Variants in BBOF1 observed in about 807,000 individuals in gnomAD.
BBOF1 encodes basal body orientation factor 1, also known as basal body-orientation factor 1.
In BBOF1, 62 loss-of-function variants were observed where a neutral mutation model predicts 68.0. The observed-to-expected ratio is 0.91, with a 90% CI of 0.74 to 1.13. The LOEUF is 1.13. BBOF1 is among the 50% of genes most tolerant of loss of function. BBOF1 has a pLI of 0.00. For missense variants in BBOF1, 534 were observed against 600.1 expected, an observed-to-expected ratio of 0.89 and a Z score of 1.15; for synonymous variants, 208 against 198.8, an observed-to-expected ratio of 1.05 and a Z score of -0.39.
intron 6 of BBOF1, among the ~76,000 whole-genome samples, 173 bp from the exon 7 acceptor site, chr14:74,047,757 G>T (rs1477595939): frequency 6.6e-6 from 1 of 151,932 alleles, no homozygotes; most frequent in African/African-American, 2.4e-5. Flanking sequence ...TTTTTTATTG[G>T]GTGAAAACTT....
At chr14:74,052,654 A>G (rs1362904288) in intron 8 of BBOF1, among the ~76,000 whole-genome samples, 1 of 151,530 alleles carries the variant, frequency 6.6e-6, no homozygotes, top group Non-Finnish European at 1.5e-5. Flanking sequence ...CAAAAAAAAA[A>G]AAATTACATC....
Position 74,065,138 on chromosome 14 carries a change from A to C in BBOF1, c.*439A>C, listed in dbSNP as rs1218817851. The stretch of plus-strand genomic sequence containing the variant: ...TATTTACTGTTTCCTCTTAGGAAAT[A>C]GTAAATGGATATAAGAATCTCTTAA... On this transcript the variant is annotated 3_prime_UTR_variant, in exon 12 of 12. Transcript: ENST00000394009. 1 of 1,605,918 alleles carries C rather than the reference A, an allele frequency of 6.2e-7. No individual in the cohort carries two copies. Among genetic ancestry groups the C allele is most frequent in the Admixed American group, 1.7e-5 (1 of 59,988 alleles).
intron 2 of BBOF1, among the ~76,000 whole-genome samples, chr14:74,028,254 A>G (rs2059478915): frequency 6.6e-6 from 1 of 152,070 alleles, no homozygotes; most frequent in African/African-American, 2.4e-5. Flanking sequence ...CTATAGTCCC[A>G]GGTACTTGGG....
chr14:74,032,914 C>T (rs1257283693), intron 3 of BBOF1, among the ~76,000 whole-genome samples: 3 of 152,058 alleles, frequency 2.0e-5, no homozygotes, highest in Non-Finnish European at 4.4e-5. Context: ...TTCCCCCCTT[C>T]CTTTTCTCTG....
chr14:74,054,960 C>T (rs2060154842), intron 8 of BBOF1: 1 of 153,374 alleles, frequency 6.5e-6, no homozygotes, highest in South Asian at 2.0e-4. Context: ...GCCACCGTCC[C>T]CAGCCTCCTT....
In BBOF1 at chr14:74,064,893, G is replaced by A. The variant is rs201279537; in HGVS notation, c.*194G>A. On this transcript the variant is annotated 3_prime_UTR_variant, in exon 12 of 12. Transcript: ENST00000394009. Reference sequence around the variant, plus strand: ...CCGGTGAATGAGAACATTGGCAAAGGCACTGGAATGGGGACATTCACTCCC... The same window carrying A: ...CCGGTGAATGAGAACATTGGCAAAGACACTGGAATGGGGACATTCACTCCC... The A allele has an allele frequency of 1.2e-6, 2 of 1,614,032 alleles. No homozygotes were observed. The highest frequency in any genetic ancestry group is 2.2e-5 in the East Asian group (1 of 44,876).
chr14:74,035,948 A>G (rs2059688848), intron 4 of BBOF1, among the ~76,000 whole-genome samples: 1 of 152,176 alleles, frequency 6.6e-6, no homozygotes, highest in South Asian at 2.1e-4. Flanking sequence ...GGAATTAGAT[A>G]CCATCATTTG....
At position 74,076,338 on chromosome 14, in the gene BBOF1, C is replaced by G. The variant is rs542054336; in HGVS notation, n.1380-1858C>G. 4.6e-5 allele frequency among the ~76,000 whole-genome samples: 7 copies of G among 152,236 alleles called. No individual in the cohort carries two copies. The South Asian group carries it at 1.2e-3, about 27-fold the overall frequency. On this transcript the variant is annotated intron_variant and non_coding_transcript_variant, in intron 9 of 12. Transcript: ENST00000492026. ...ACAAGATAACTCTCAAATTGTAACT[C>G]ACTAAAAAAGTCTGTATATATGTTA... is the stretch of plus-strand genomic sequence containing the variant.
At chr14:74,067,683 A>T, downstream of BBOF1, 4 of 1,126,426 alleles carry the variant, frequency 3.6e-6, no homozygotes, top group Non-Finnish European at 5.2e-6. Context: ...AGCACTTTGG[A>T]AGGCTGAGGT....
intron 10 of BBOF1, 45 bp from the exon 11 acceptor site, chr14:74,057,099 G>T (rs2060229179): frequency 1.3e-6 from 2 of 1,598,778 alleles, no homozygotes; most frequent in Non-Finnish European, 1.7e-6. Context: ...CAGGTTTCAT[G>T]TGTGTAGAGT....
At chr14:74,044,840 G>A (rs1239869439) in intron 5 of BBOF1, among the ~76,000 whole-genome samples, 3 of 152,054 alleles carry the variant, frequency 2.0e-5, no homozygotes, top group Non-Finnish European at 4.4e-5. Context: ...TGAAAGAATC[G>A]ATTGAACCCA....
At chr14:74,045,190 G>C (rs2059922962) in intron 5 of BBOF1, among the ~76,000 whole-genome samples, 1 of 152,140 alleles carries the variant, frequency 6.6e-6, no homozygotes, top group African/African-American at 2.4e-5. Context: ...ATTGCTTATT[G>C]TTTAGATTTC....
intron 9 of BBOF1, among the ~76,000 whole-genome samples, chr14:74,076,358 A>G (rs1241646719): frequency 6.6e-6 from 1 of 152,098 alleles, no homozygotes; most frequent in Non-Finnish European, 1.5e-5. Context: ...GTCTGTATAT[A>G]TGTTATCAAA....
chr14:74,077,028 C>T (rs2060620490), intron 9 of BBOF1, among the ~76,000 whole-genome samples: 1 of 152,144 alleles, frequency 6.6e-6, no homozygotes, highest in African/African-American at 2.4e-5. Context: ...GCAGCACTGC[C>T]CAGGAAAAGG....
chr14:74,027,307 G>A (rs2059453709), intron 2 of BBOF1, among the ~76,000 whole-genome samples: 1 of 147,528 alleles, frequency 6.8e-6, no homozygotes, highest in African/African-American at 2.5e-5. Context: ...GGTTGGTCTC[G>A]AACTCCTGAC....
downstream of BBOF1, chr14:74,066,764 T>C (rs768541944): frequency 6.2e-6 from 10 of 1,614,058 alleles, no homozygotes; most frequent in East Asian, 2.2e-4. Context: ...CCTTTCACTT[T>C]AATTTTTCGT....
intron 4 of BBOF1, among the ~76,000 whole-genome samples, chr14:74,035,868 A>T (rs2059687730): frequency 1.3e-5 from 2 of 151,992 alleles, no homozygotes; most frequent in South Asian, 4.1e-4. Context: ...ACATAGCATT[A>T]CTTCCACCAT....
intron 7 of BBOF1, among the ~76,000 whole-genome samples, chr14:74,049,400 G>T (rs187415370): frequency 2.0e-5 from 3 of 151,958 alleles, no homozygotes; most frequent in South Asian, 2.1e-4. Context: ...TCAGCCGGGC[G>T]CAGTGGCTCA....
Position 74,065,087 on chromosome 14 carries a change from G to T in BBOF1, c.*388G>T. ...TGGGGCAATGTGGGAGGTCATGGGG[G>T]CAATCTTAAACCAATGACTCACCAT... On this transcript the variant is annotated 3_prime_UTR_variant, in exon 12 of 12. Coordinates refer to ENST00000394009, the MANE Select transcript of BBOF1 (RefSeq NM_025057.3). The T allele has an allele frequency of 1.3e-6, 2 of 1,483,526 alleles. No homozygotes were observed. Among genetic ancestry groups the T allele is most frequent in the South Asian group, 1.2e-5 (1 of 86,434 alleles). The allele number at this position is 1,483,526 out of a possible 1,614,324, so 91.9% of individuals were successfully genotyped here. A position where few individuals can be genotyped will look rare whatever the true frequency, so the allele number is the denominator to read the frequency against.
Sources: gnomAD v4.1 joint callset for allele counts (sites outside exome capture counted in the v4.1 genomes callset) on GRCh38, gnomAD v4.1.1 for gene constraint, MANE v1.5 for transcripts, NCBI Gene and HGNC (gene_info 2026-07-23, HGNC 2026-07-21) for gene names.